TRAK1: variants seen among roughly 807,000 people sequenced by gnomAD.
TRAK1 encodes trafficking kinesin-binding protein 1.
Under a neutral mutation model 92.1 loss-of-function variants are expected in TRAK1, and 33 were observed. That is an observed-to-expected ratio of 0.36 (90% CI 0.27 to 0.48). The LOEUF (loss-of-function observed/expected upper bound fraction) is 0.48, where lower values mean the gene tolerates loss of function less well. TRAK1 is among the 20% of genes least tolerant of loss of function. The pLI, the probability that TRAK1 is intolerant of heterozygous loss-of-function variation, is 0.99. For synonymous variants in TRAK1, 521 were observed against 517.3 expected (o/e 1.01, Z -0.10); for missense variants, 1,123 against 1,257.9 (o/e 0.89, Z 1.62).
intron 6 of TRAK1, among the ~76,000 whole-genome samples, chr3:42,189,987 T>C (rs73828594): frequency 0.055 from 8,388 of 152,218 alleles, 226 homozygotes; most frequent in Middle Eastern, 0.075. Flanking sequence ...AGCTCGTTAC[T>C]TTGATTCTCA....
chr3:42,069,749 T>C (rs981595813), intron 1 of TRAK1, among the ~76,000 whole-genome samples: 2 of 152,192 alleles, frequency 1.3e-5, no homozygotes, highest in Admixed American at 6.5e-5. Flanking sequence ...ATCAGTATTA[T>C]TAGACATTTT....
At chr3:42,025,187 T>A (rs929140941) in intron 1 of TRAK1, among the ~76,000 whole-genome samples, 8 of 152,318 alleles carry the variant, frequency 5.3e-5, no homozygotes, top group Non-Finnish European at 1.2e-4. Flanking sequence ...CTCCTAGCAA[T>A]ATGCCTTGGT....
intron 2 of TRAK1, among the ~76,000 whole-genome samples, chr3:42,155,422 C>T (rs958423977): frequency 1.3e-5 from 2 of 152,158 alleles, no homozygotes; most frequent in East Asian, 3.9e-4. Flanking sequence ...GTTGCTTCTG[C>T]TCAAAATAAT....
chr3:42,167,513 T>C (rs555997621), intron 2 of TRAK1, among the ~76,000 whole-genome samples: 25 of 152,364 alleles, frequency 1.6e-4, no homozygotes, highest in Non-Finnish European at 2.6e-4. Flanking sequence ...TACCAAGTAC[T>C]GTGGGCCCTC....
At chr3:42,030,419 T>C (rs1302800436) in intron 1 of TRAK1, among the ~76,000 whole-genome samples, 1 of 149,058 alleles carries the variant, frequency 6.7e-6, no homozygotes, top group Non-Finnish European at 1.5e-5. Context: ...ACGTCTGTAA[T>C]CCCAGCACTT....
At chr3:42,195,213 C>G (rs982901803) in intron 10 of TRAK1, among the ~76,000 whole-genome samples, 3 of 152,174 alleles carry the variant, frequency 2.0e-5, no homozygotes, top group Non-Finnish European at 2.9e-5. Flanking sequence ...TTAGTGGGAA[C>G]CTGAGGTATT....
intron 1 of TRAK1, among the ~76,000 whole-genome samples, chr3:42,054,754 CTAAG>C (rs1050864554): frequency 7.2e-5 from 11 of 152,138 alleles, no homozygotes; most frequent in East Asian, 1.9e-4. Flanking sequence ...GCAAACATAA[CTAAG>C]TCAGTGAAAG....
intron 1 of TRAK1, among the ~76,000 whole-genome samples, chr3:42,040,117 A>G (rs1031121939): frequency 9.9e-5 from 15 of 151,778 alleles, no homozygotes; most frequent in Non-Finnish European, 2.2e-4. Flanking sequence ...TAGGATTTGC[A>G]TATATTTTCT....
chr3:42,178,056 C>T (rs1703450743), intron 3 of TRAK1, among the ~76,000 whole-genome samples: 1 of 152,140 alleles, frequency 6.6e-6, no homozygotes, highest in Admixed American at 6.5e-5. Context: ...AATCACTGAC[C>T]CCTTTCTGCT....
chr3:42,120,539 C>CT (rs1203842511), intron 1 of TRAK1, among the ~76,000 whole-genome samples: 3 of 151,914 alleles, frequency 2.0e-5, no homozygotes, highest in South Asian at 2.1e-4. Context: ...GCTTCCTGTG[C>CT]TTTTTTTTGT....
intron 1 of TRAK1, among the ~76,000 whole-genome samples, chr3:42,037,725 T>C (rs539613116): frequency 6.6e-6 from 1 of 152,006 alleles, no homozygotes; most frequent in South Asian, 2.1e-4. Flanking sequence ...GTCTGGAGAG[T>C]GTGTGCTAGA....
intron 1 of TRAK1, among the ~76,000 whole-genome samples, chr3:42,101,710 T>A (rs927143039): frequency 6.6e-6 from 1 of 152,222 alleles, no homozygotes; most frequent in African/African-American, 2.4e-5. Context: ...GAAACACTTT[T>A]CTTTATGAAA....
At position 42,091,570 on chromosome 3, in the gene TRAK1, T is replaced by C. The variant is rs1271661827; in HGVS notation, c.91+10T>C. ...CGGACAAACGCCTGTGGTAAGTTTG[T>C]TTGCCAGGTCTGTCTGCTGTCTGTT... On this transcript the variant is annotated intron_variant, in intron 1 of 15. Transcript: ENST00000327628. The C allele has an allele frequency of 6.2e-7, 1 of 1,610,016 alleles. No homozygotes were observed. Among genetic ancestry groups the C allele is most frequent in the African/African-American group, 1.3e-5 (1 of 74,558 alleles).
chr3:42,189,339 T>C (rs971257150), intron 6 of TRAK1, among the ~76,000 whole-genome samples: 8 of 152,156 alleles, frequency 5.3e-5, no homozygotes, highest in African/African-American at 1.9e-4. Flanking sequence ...ACCTGGTGAA[T>C]GACATGGTGT....
chr3:42,064,300 C>T (rs1220924328), intron 1 of TRAK1, among the ~76,000 whole-genome samples: 1 of 150,412 alleles, frequency 6.6e-6, no homozygotes, highest in Admixed American at 6.6e-5. Flanking sequence ...CCTGTCTCTA[C>T]CAAAAATACA....
At chr3:42,176,616 C>T (rs987463492) in intron 2 of TRAK1, among the ~76,000 whole-genome samples, 198 bp from the exon 3 acceptor site, 1 of 152,206 alleles carries the variant, frequency 6.6e-6, no homozygotes, top group Non-Finnish European at 1.5e-5. Flanking sequence ...TCCCCCTACC[C>T]CCAGACTCAT....
At chr3:42,131,855 C>G (rs928109004) in intron 2 of TRAK1, among the ~76,000 whole-genome samples, 24 of 149,684 alleles carry the variant, frequency 1.6e-4, no homozygotes, top group African/African-American at 2.7e-4. Context: ...CCCAGAAGTT[C>G]GAGACCAGCC....
chr3:42,143,687 G>A (rs1288767760), intron 2 of TRAK1, among the ~76,000 whole-genome samples: 1 of 152,142 alleles, frequency 6.6e-6, no homozygotes. Flanking sequence ...CTTTCTAGTG[G>A]CAGTGATGGA....
chr3:42,046,667 A>G (rs1335534515), intron 1 of TRAK1, among the ~76,000 whole-genome samples: 1 of 152,220 alleles, frequency 6.6e-6, no homozygotes, highest in African/African-American at 2.4e-5. Context: ...AAGGGAGAAG[A>G]TTAATCACTA....
Sources: gnomAD v4.1 joint callset for allele counts (sites outside exome capture counted in the v4.1 genomes callset) on GRCh38, gnomAD v4.1.1 for gene constraint, MANE v1.5 for transcripts, NCBI Gene and HGNC (gene_info 2026-07-23, HGNC 2026-07-21) for gene names.